The following HRH1 variants were observed in gnomAD, a reference collection of about 807,000 sequenced individuals.
HRH1 encodes histamine receptor H1.
A neutral mutation model predicts 10.3 loss-of-function variants in HRH1; 6 were observed. The ratio of observed to expected loss-of-function variants is 0.58; its 90% CI spans 0.32 to 1.15. HRH1 has a LOEUF of 1.15. HRH1 is among the 50% of genes most tolerant of loss of function. The pLI, the probability that HRH1 is intolerant of heterozygous loss-of-function variation, is 0.05. For synonymous variants in HRH1, 242 were observed against 236.7 expected, an observed-to-expected ratio of 1.02 and a Z score of -0.21; for missense variants, 514 against 615.3, an observed-to-expected ratio of 0.84 and a Z score of 1.74.
At chr3:11,215,325 G>C (rs1938452376) in intron 1 of HRH1, among the ~76,000 whole-genome samples, 1 of 152,222 alleles carries the variant, frequency 6.6e-6, no homozygotes, top group Admixed American at 6.5e-5. Flanking sequence ...AACAAGTTTG[G>C]AAACAACTAA....
intron 1 of HRH1, among the ~76,000 whole-genome samples, chr3:11,160,250 A>G (rs999660596): frequency 1.3e-5 from 2 of 152,014 alleles, no homozygotes; most frequent in East Asian, 3.9e-4. Flanking sequence ...CTTTCTGCCA[A>G]TTCACCTTTT....
chr3:11,241,554 C>T (rs1336776015), intron 1 of HRH1, among the ~76,000 whole-genome samples: 1 of 152,014 alleles, frequency 6.6e-6, no homozygotes, highest in African/African-American at 2.4e-5. Flanking sequence ...ACCACTCAGG[C>T]TGGGCACGGT....
chr3:11,201,631 A>G (rs112019909), intron 1 of HRH1, among the ~76,000 whole-genome samples: 2 of 152,294 alleles, frequency 1.3e-5, no homozygotes, highest in African/African-American at 4.8e-5. Context: ...AACAGGCTGA[A>G]AAAACAGCAT....
At chr3:11,255,750 G>A (rs1377826500) in intron 1 of HRH1, among the ~76,000 whole-genome samples, 1 of 152,214 alleles carries the variant, frequency 6.6e-6, no homozygotes, top group African/African-American at 2.4e-5. Context: ...ACAGATGGTT[G>A]CATTCTTTTG....
At chr3:11,170,472 G>A (rs1489833195) in intron 1 of HRH1, among the ~76,000 whole-genome samples, 1 of 152,248 alleles carries the variant, frequency 6.6e-6, no homozygotes, top group Non-Finnish European at 1.5e-5. Flanking sequence ...TGGGGACGAG[G>A]CATGCTCCAT....
chr3:11,232,470 A>G (rs928997132), intron 1 of HRH1, among the ~76,000 whole-genome samples: 3 of 152,086 alleles, frequency 2.0e-5, no homozygotes, highest in African/African-American at 4.8e-5. Flanking sequence ...TCTCTGTTCT[A>G]TTCTATTGAT....
chr3:11,141,655 G>A (rs1936293985), intron 1 of HRH1, among the ~76,000 whole-genome samples: 1 of 152,166 alleles, frequency 6.6e-6, no homozygotes, highest in Non-Finnish European at 1.5e-5. Context: ...CCCCCAGTAG[G>A]TGATATAAGA....
intron 1 of HRH1, among the ~76,000 whole-genome samples, chr3:11,190,112 G>A (rs1272559430): frequency 2.0e-5 from 3 of 152,074 alleles, no homozygotes; most frequent in Non-Finnish European, 1.5e-5. Flanking sequence ...TTTATACAAA[G>A]GTGTCATCAG....
intron 1 of HRH1, among the ~76,000 whole-genome samples, chr3:11,178,276 C>A (rs1369508298): frequency 6.6e-6 from 1 of 152,236 alleles, no homozygotes; most frequent in African/African-American, 2.4e-5. Context: ...TCCTCTGTGA[C>A]ACACACATTG....
At chr3:11,196,063 G>A (rs988997960) in intron 1 of HRH1, among the ~76,000 whole-genome samples, 1 of 152,200 alleles carries the variant, frequency 6.6e-6, no homozygotes, top group Admixed American at 6.5e-5. Flanking sequence ...TCTCTTTCCT[G>A]CAGCCAGAGT....
Position 11,260,465 on chromosome 3 carries a change from G to A in HRH1, c.1428G>A (p.Lys476=), listed in dbSNP as rs1368735352. ...LIYPLCNENF[K]KTFKRILHIR... ...ACCCCTTGTGCAATGAGAACTTCAAGAAGACATTCAAGAGAATTCTGCATA... is the reference window on the plus strand; with the variant it reads ...ACCCCTTGTGCAATGAGAACTTCAAAAAGACATTCAAGAGAATTCTGCATA... Residue 476 remains lysine (K), a synonymous_variant, in exon 2 of 2, where the codon AAG becomes AAA. Transcript: ENST00000431010. 6.2e-7 allele frequency: 1 copy of A among 1,610,352 alleles called. No individual in the cohort carries two copies.
chr3:11,144,437 A>ATATAGACG lies in HRH1; in HGVS notation c.-36+7045_-36+7046insGTATAGAC, dbSNP rs1208438825. 1.6e-4 allele frequency among the ~76,000 whole-genome samples: 15 copies of ATATAGACG among 95,052 alleles called. No individual in the cohort carries two copies. The South Asian group carries it at 3.1e-3, about 20-fold the overall frequency. The allele number at this position is 95,052 out of a possible 152,430, so 62.4% of individuals were successfully genotyped here. On this transcript the variant is annotated intron_variant, in intron 1 of 1. Transcript: ENST00000438284. Reference sequence around the variant, plus strand: ...TCTATAGGTATATATACATATAGACATATAGACATACGTCTATAGGTATAT... The same window carrying ATATAGACG: ...TCTATAGGTATATATACATATAGACATATAGACGTATAGACATACGTCTATAGGTATAT...
chr3:11,148,180 CAAA>C (rs58792725), intron 1 of HRH1, among the ~76,000 whole-genome samples: 7 of 85,944 alleles, frequency 8.1e-5, no homozygotes, highest in Non-Finnish European at 5.1e-5. Flanking sequence ...CTCTGTCAAA[CAAA>C]AAAAAAAAAA....
chr3:11,178,636 G>C (rs1937291561), intron 1 of HRH1, among the ~76,000 whole-genome samples: 1 of 152,164 alleles, frequency 6.6e-6, no homozygotes, highest in South Asian at 2.1e-4. Flanking sequence ...ACAGACGACT[G>C]TTGAGTCCAG....
At position 11,165,315 on chromosome 3, in the gene HRH1, C is replaced by G. The variant is rs1011382162; in HGVS notation, c.-36+10761C>G. Among the ~76,000 whole-genome samples the G allele has an allele frequency of 3.9e-5, 6 of 152,304 alleles. No individual in the cohort carries two copies. In the East Asian group the frequency reaches 9.7e-4, roughly 25 times the overall value. On this transcript the variant is annotated intron_variant, in intron 1 of 1. Transcript: ENST00000431010. ...CTCACATTGCAATCATCCGTTAATT[C>G]CCTCCACCTATAAATATCAAAAGTG...
At chr3:11,173,097 A>G (rs1255330872) in intron 1 of HRH1, among the ~76,000 whole-genome samples, 1 of 152,126 alleles carries the variant, frequency 6.6e-6, no homozygotes, top group Admixed American at 6.5e-5. Flanking sequence ...TAAGCTTGGA[A>G]ATGCTGAGTA....
In HRH1 at chr3:11,223,336, A is replaced by C. The variant is rs1482280703; in HGVS notation, c.-35-35667A>C. On this transcript the variant is annotated intron_variant, in intron 1 of 1. Transcript: ENST00000431010. ...GTGAAACCCCATCTCTACTAAAAATACAAAAAAAAAAAATCAGCCGGGGGT... is the reference window on the plus strand; with the variant it reads ...GTGAAACCCCATCTCTACTAAAAATCCAAAAAAAAAAAATCAGCCGGGGGT... 1.8e-4 allele frequency among the ~76,000 whole-genome samples: 17 copies of C among 95,558 alleles called. No individual in the cohort carries two copies. In the East Asian group the frequency reaches 5.7e-3, roughly 32 times the overall value. 62.7% of individuals were successfully genotyped at this position (95,558 alleles called of 152,430 possible).
chr3:11,214,587 G>A (rs1003407693), intron 1 of HRH1, among the ~76,000 whole-genome samples: 2 of 152,208 alleles, frequency 1.3e-5, no homozygotes, highest in Admixed American at 6.5e-5. Flanking sequence ...GAAAGCAGGA[G>A]ACCATGCATT....
rs759308370 is a variant in HRH1 at position 11,188,606 on chromosome 3, C to T, written c.-36+34052C>T. ...ACACCCAAAGATTTATATATAAGGA[C>T]GTGCATTACAATTCTATTTATATTA... On this transcript the variant is annotated intron_variant, in intron 1 of 1. Coordinates refer to ENST00000431010, the MANE Select transcript of HRH1 (RefSeq NM_001098212.2). Among the ~76,000 whole-genome samples the T allele has an allele frequency of 1.1e-4, 16 of 152,184 alleles. 1 individual carries two copies. The highest frequency in any genetic ancestry group is 2.0e-4 in the Admixed American group (3 of 15,266).
Sources: allele counts gnomAD v4.1 joint callset (sites outside exome capture counted in the v4.1 genomes callset), GRCh38; gene constraint gnomAD v4.1.1; transcripts MANE v1.5; gene names NCBI Gene and HGNC (gene_info 2026-07-23, HGNC 2026-07-21).